GRHL1: variants seen among roughly 807,000 people sequenced by gnomAD.
GRHL1 encodes the protein grainyhead like transcription factor 1.
A neutral mutation model predicts 75.7 loss-of-function variants in GRHL1; 38 were observed. The ratio of observed to expected loss-of-function variants is 0.50; its 90% confidence interval spans 0.39 to 0.66. The LOEUF (loss-of-function observed/expected upper bound fraction) is 0.66. Among genes scored for constraint, GRHL1 ranks in the 30% least tolerant of loss-of-function variants. GRHL1 has a pLI of 0.00. For missense variants in GRHL1, 589 were observed against 767.5 expected (o/e 0.77, Z 2.75); for synonymous variants, 266 against 279.4 (o/e 0.95, Z 0.48).
chr2:9,997,842 C>A (rs1393860825), intron 14 of GRHL1, among the ~76,000 whole-genome samples: 1 of 150,932 alleles, frequency 6.6e-6, no homozygotes, highest in East Asian at 1.9e-4. Flanking sequence ...CAACAAAAAA[C>A]AAACAAACAA....
At chr2:9,995,600 A>C (rs908631668) in intron 12 of GRHL1, among the ~76,000 whole-genome samples, 4 of 98,024 alleles carry the variant, frequency 4.1e-5, no homozygotes, top group South Asian at 3.2e-4. Context: ...AAAAAAAAAA[A>C]ACCAAAGCGC....
chr2:9,972,631 G>C (rs1266997268), intron 8 of GRHL1, among the ~76,000 whole-genome samples: 2 of 152,064 alleles, frequency 1.3e-5, no homozygotes, highest in Non-Finnish European at 2.9e-5. Flanking sequence ...CTGCCCGCCA[G>C]ATCTTCCTTT....
chr2:9,981,968 A>T lies in GRHL1; in HGVS notation c.1111-4156A>T, dbSNP rs544710512. Among the ~76,000 whole-genome samples, 198 of 152,378 alleles carry T rather than the reference A, an allele frequency of 1.3e-3. 7 individuals are homozygous for T. In the South Asian group the frequency reaches 0.04, roughly 31 times the overall value. On this transcript the variant is annotated intron_variant, in intron 8 of 15. Coordinates refer to ENST00000324907, the MANE Select transcript of GRHL1 (RefSeq NM_198182.3). ...TCCCTATGAAATCAAACATAACATG[A>T]GTAATAAAAATAAGCGGGAGAGTTT...
rs759674440 is a variant in GRHL1, at chr2:9,961,071, C to A, written c.304C>A (p.Gln102Lys). The A allele has an allele frequency of 7.7e-6, 12 of 1,552,562 alleles. No homozygotes were observed. The Admixed American group carries it at 1.8e-4, about 23-fold the overall frequency. The change falls in exon 4 of 16, where the codon CAG becomes AAG. Residue 102 changes from glutamine (Q) to lysine (K), a missense_variant. By Grantham distance (53) the Gln-to-Lys change is moderately conservative. Transcript: ENST00000324907. ...KRNSIPIVTE[Q>K]PLISAGENRV... ...AAACAGCATACCAATTGTGACAGAGCAGCCCCTCATCTCTGCTGGAGAAAA... is the reference window on the plus strand; with the variant it reads ...AAACAGCATACCAATTGTGACAGAGAAGCCCCTCATCTCTGCTGGAGAAAA...
intron 2 of GRHL1, among the ~76,000 whole-genome samples, chr2:9,956,556 G>C (rs994133898): frequency 1.3e-5 from 2 of 151,994 alleles, no homozygotes; most frequent in Non-Finnish European, 2.9e-5. Context: ...TTATTTCCTA[G>C]TATGAGGCCA....
intron 5 of GRHL1, among the ~76,000 whole-genome samples, chr2:9,963,621 A>G (rs1179751599): frequency 6.6e-6 from 1 of 152,170 alleles, no homozygotes; most frequent in South Asian, 2.1e-4. Flanking sequence ...AGTTCCTTCC[A>G]AAGTCCTTTC....
chr2:9,962,529 T>C lies in GRHL1; in HGVS notation c.744T>C (p.Ser248=), dbSNP rs761366903. Residue 248 remains serine (S), a splice_region_variant and synonymous_variant, in exon 5 of 16, where the codon TCT becomes TCC. Transcript: ENST00000324907. ...AGGACTATGTTTTTGACAGTGTTTC[T>C]GGGTAATAGATGTCTTTTAATTTGA... The part of the protein sequence containing the change: ...NSEDYVFDSV[S]GNNFEYTLEA... The C allele has an allele frequency of 1.0e-5, 15 of 1,501,588 alleles. No individual in the cohort carries two copies. The highest frequency in any genetic ancestry group is 9.3e-7 in the Non-Finnish European group (1 of 1,077,546). The allele number at this position is 1,501,588 out of a possible 1,614,324, so 93.0% of individuals were successfully genotyped here.
intron 13 of GRHL1, 33 bp from the exon 14 acceptor site, chr2:9,996,283 T>A: frequency 6.7e-7 from 1 of 1,490,484 alleles, no homozygotes; most frequent in South Asian, 1.1e-5. Context: ...TCCTCTCTTT[T>A]CCCTTCCTTA....
At chr2:9,959,599 G>T (rs1240445988) in intron 3 of GRHL1, 1 of 152,160 alleles carries the variant, frequency 6.6e-6, no homozygotes, top group Admixed American at 6.5e-5. Flanking sequence ...AAGAGGACTT[G>T]TGGCTTTTAT....
chr2:9,994,502 C>G (rs753987541), intron 12 of GRHL1, among the ~76,000 whole-genome samples: 1 of 152,086 alleles, frequency 6.6e-6, no homozygotes, highest in African/African-American at 2.4e-5. Flanking sequence ...TCCATCCATT[C>G]CCAGGGCTTA....
In GRHL1 at chr2:9,990,085, A is replaced by T. The variant is rs2125239925; in HGVS notation, c.1270-611A>T. Among the ~76,000 whole-genome samples, 1 of 152,086 alleles carries T rather than the reference A, an allele frequency of 6.6e-6. No homozygotes were observed. Among genetic ancestry groups the T allele is most frequent in the Non-Finnish European group, 1.5e-5 (1 of 68,002 alleles). On this transcript the variant is annotated intron_variant, in intron 9 of 15. Transcript: ENST00000324907. The surrounding 1 kb of genome is among the most constrained non-coding windows in gnomAD (Gnocchi z 4.2). ...AAAATACCCTTGTGTCTTTGCAGGC[A>T]TGTGGTATACTCACAGATTTTCTCA...
chr2:9,993,156 C>G (rs12618788), intron 11 of GRHL1, 51 bp from the exon 12 acceptor site: 1 of 1,296,636 alleles, frequency 7.7e-7, no homozygotes, highest in African/African-American at 1.5e-5. Flanking sequence ...TCATTTATGG[C>G]CAAACATTTT....
At chr2:9,996,841 A>C (rs955953310) in intron 14 of GRHL1, among the ~76,000 whole-genome samples, 2 of 152,216 alleles carry the variant, frequency 1.3e-5, no homozygotes, top group Non-Finnish European at 2.9e-5. Context: ...TTGCAGAGAA[A>C]GTAGACGTGT....
chr2:9,977,137 C>T (rs1387081467), intron 8 of GRHL1, among the ~76,000 whole-genome samples: 2 of 152,072 alleles, frequency 1.3e-5, no homozygotes, highest in African/African-American at 2.4e-5. Flanking sequence ...TATATTAGCT[C>T]TTTTTATTGT....
rs1264280483 is a variant in GRHL1 at position 9,955,899 on chromosome 2, G to A, written c.207+798G>A. ...GAAACACACATTTGGGGGTGGCTAC[G>A]TCTTTAGGGTGCTACTTAAAACAGC... On this transcript the variant is annotated intron_variant, in intron 2 of 15. Transcript: ENST00000324907. Among the ~76,000 whole-genome samples, 7 of 152,210 alleles carry A rather than the reference G, an allele frequency of 4.6e-5. No homozygotes were observed. In the South Asian group the frequency reaches 6.2e-4, roughly 14 times the overall value.
chr2:9,954,017 T>C (rs1468799148), intron 1 of GRHL1, among the ~76,000 whole-genome samples: 1 of 152,254 alleles, frequency 6.6e-6, no homozygotes, highest in Non-Finnish European at 1.5e-5. Context: ...TTCAAGTTTT[T>C]GGAATTAGTA....
chr2:9,952,736 A>C (rs942748596), intron 1 of GRHL1, among the ~76,000 whole-genome samples: 3 of 152,268 alleles, frequency 2.0e-5, no homozygotes, highest in Non-Finnish European at 4.4e-5. Flanking sequence ...AAACAGGGAA[A>C]TCGCACCAGG....
chr2:9,966,420 A>AC (rs1352017015), intron 8 of GRHL1: 1 of 151,604 alleles, frequency 6.6e-6, no homozygotes, highest in Non-Finnish European at 1.5e-5. Flanking sequence ...GAAAAAAAAA[A>AC]CTCAATAGAA....
At position 9,992,220 on chromosome 2, in the gene GRHL1, A is replaced by T. The variant is rs1668675828; in HGVS notation, c.1461+74A>T. The T allele has an allele frequency of 6.8e-7, 1 of 1,473,666 alleles. No individual in the cohort carries two copies. The highest frequency in any genetic ancestry group is 1.9e-5 in the Admixed American group (1 of 53,122). 91.3% of individuals were successfully genotyped at this position (1,473,666 alleles called of 1,614,324 possible). A position where few individuals can be genotyped will look rare whatever the true frequency, so the allele number is the denominator to read the frequency against. On this transcript the variant is annotated intron_variant, in intron 11 of 15. Coordinates refer to ENST00000324907, the MANE Select transcript of GRHL1 (RefSeq NM_198182.3). The surrounding 1 kb of genome is among the most constrained non-coding windows in gnomAD (Gnocchi z 4.6). ...AAAAGGAAATTCTTTGGCATTATTC[A>T]TGGGAAACAGAAGCCAAAATTGAGT...
Sources: gnomAD v4.1 joint callset for allele counts (sites outside exome capture counted in the v4.1 genomes callset) on GRCh38, gnomAD v4.1.1 for gene constraint, Gnocchi (gnomAD v3.1) non-coding constraint, MANE v1.5 for transcripts, NCBI Gene and HGNC (gene_info 2026-07-23, HGNC 2026-07-21) for gene names.